ANO1: variants seen among roughly 807,000 people sequenced by gnomAD.
ANO1 encodes anoctamin-1.
Under a neutral mutation model 124.0 loss-of-function variants are expected in ANO1, and 59 were observed. That is an observed-to-expected ratio of 0.48 (90% CI 0.39 to 0.59). ANO1 has a LOEUF of 0.59. Ranked by LOEUF, ANO1 falls within the 20% of genes least tolerant of loss-of-function variation. The pLI is 0.00. For synonymous variants in ANO1, 529 were observed against 532.0 expected (o/e 0.99, Z 0.08); for missense variants, 1,059 against 1,328.0 (o/e 0.80, Z 3.15).
At position 70,188,376 on chromosome 11, in the gene ANO1, T is replaced by G; in HGVS notation, c.*372T>G. ...GAAACCCTCCTCTGAATCCTCCTAA[T>G]TCCTTAAGATAGATGCAAAATGGTA... is the stretch of plus-strand genomic sequence containing the variant. On this transcript the variant is annotated 3_prime_UTR_variant, in exon 26 of 26. Transcript: ENST00000355303. 1 of 203,722 alleles carries G rather than the reference T, an allele frequency of 4.9e-6. No homozygotes were observed. Among genetic ancestry groups the G allele is most frequent in the Non-Finnish European group, 9.9e-6 (1 of 101,070 alleles). 12.6% of individuals were successfully genotyped at this position (203,722 alleles called of 1,614,324 possible).
chr11:70,096,300 A>T (rs1212540812), intron 2 of ANO1, among the ~76,000 whole-genome samples: 1 of 152,186 alleles, frequency 6.6e-6, no homozygotes, highest in East Asian at 1.9e-4. Flanking sequence ...AGAGCTTCTC[A>T]GGGTGGGTTC....
chr11:70,104,045 CTG>C lies in ANO1; in HGVS notation c.590_591del (p.Val197AlafsTer14). 6.2e-7 allele frequency: 1 copy of C among 1,612,558 alleles called. No individual in the cohort carries two copies. The highest frequency in any genetic ancestry group is 8.5e-7 in the Non-Finnish European group (1 of 1,179,348). On this transcript the variant is annotated frameshift_variant, in exon 4 of 26. Transcript: ENST00000355303. LOFTEE classifies it high-confidence loss of function. ...CGTGGCCTCCTGAAAAAAATCAACTCTGTGCTCCAGAAAATCACAGATCCCAT... is the reference window on the plus strand; with the variant it reads ...CGTGGCCTCCTGAAAAAAATCAACTCTGCTCCAGAAAATCACAGATCCCAT...
chr11:70,004,150 C>T (rs1856439548), intron 1 of ANO1, among the ~76,000 whole-genome samples: 1 of 152,200 alleles, frequency 6.6e-6, no homozygotes, highest in African/African-American at 2.4e-5. Flanking sequence ...TCTCACCACC[C>T]TGCACCCCAC....
intron 1 of ANO1, among the ~76,000 whole-genome samples, chr11:69,993,886 C>T (rs2120319347): frequency 6.6e-6 from 1 of 152,328 alleles, no homozygotes; most frequent in Non-Finnish European, 1.5e-5. Context: ...CTTCCCTGCT[C>T]CTGGGGCCTG....
At chr11:70,138,347 G>GA (rs1172492820) in intron 11 of ANO1, among the ~76,000 whole-genome samples, 2,315 of 43,148 alleles carry the variant, frequency 0.054, 136 homozygotes, top group Non-Finnish European at 0.067. Flanking sequence ...TTCCATCTCA[G>GA]AAAAAAAAAA....
At chr11:70,012,721 A>G (rs1856622632) in intron 1 of ANO1, among the ~76,000 whole-genome samples, 1 of 151,158 alleles carries the variant, frequency 6.6e-6, no homozygotes, top group African/African-American at 2.4e-5. Context: ...CCATTATTCC[A>G]TCCATCCATC....
rs2048304379 is a variant in ANO1 at position 70,167,565 on chromosome 11, C to A, written c.2197+178C>A. On this transcript the variant is annotated intron_variant, in intron 21 of 25. Coordinates refer to ENST00000355303, the MANE Select transcript of ANO1 (RefSeq NM_018043.7). Reference sequence around the variant, plus strand: ...GACCCTGGGATCCTAGTGCTGCCACCCCCTTGGGTCGGTGAGCATGGCTGC... The same window carrying A: ...GACCCTGGGATCCTAGTGCTGCCACACCCTTGGGTCGGTGAGCATGGCTGC... Among the ~76,000 whole-genome samples the A allele has an allele frequency of 2.0e-5, 3 of 152,286 alleles. No homozygotes were observed. The South Asian group carries it at 6.2e-4, about 32-fold the overall frequency.
At chr11:70,102,376 G>A (rs1443364283) in intron 2 of ANO1, among the ~76,000 whole-genome samples, 1 of 152,166 alleles carries the variant, frequency 6.6e-6, no homozygotes, top group Non-Finnish European at 1.5e-5. Flanking sequence ...GCCAGCGCTC[G>A]GTGACTCTCT....
intron 1 of ANO1, among the ~76,000 whole-genome samples, chr11:70,053,456 GT>G (rs1857385890): frequency 6.6e-6 from 1 of 152,026 alleles, no homozygotes; most frequent in Admixed American, 6.5e-5. Context: ...ATACACAGGT[GT>G]TAAATTTTAC....
intron 24 of ANO1, among the ~76,000 whole-genome samples, chr11:70,184,896 A>C (rs1194689007): frequency 6.6e-6 from 1 of 152,050 alleles, no homozygotes; most frequent in East Asian, 1.9e-4. Context: ...ACAGGCGTGC[A>C]CTGCCAGGCC....
chr11:70,059,329 C>T (rs537627070), intron 1 of ANO1, among the ~76,000 whole-genome samples: 9 of 123,102 alleles, frequency 7.3e-5, no homozygotes, highest in Middle Eastern at 6.1e-3. Context: ...CTAGCCTGGG[C>T]GACAGAGCGA....
the ANO1 span, among the ~76,000 whole-genome samples, chr11:69,975,443 C>T: frequency 2.6e-5 from 4 of 152,210 alleles, no homozygotes; most frequent in South Asian, 2.1e-4. Flanking sequence ...GTCTTTGAAG[C>T]GGGGGATGAG....
intron 1 of ANO1, among the ~76,000 whole-genome samples, chr11:70,012,791 TCATC>T (rs1408888451): frequency 2.0e-5 from 3 of 152,090 alleles, no homozygotes; most frequent in African/African-American, 7.2e-5. Flanking sequence ...GCCCATCTAT[TCATC>T]CATCCATACA....
At chr11:70,095,410 G>GGAAGA (rs2044891845) in intron 2 of ANO1, among the ~76,000 whole-genome samples, 1 of 57,868 alleles carries the variant, frequency 1.7e-5, no homozygotes, top group South Asian at 6.2e-4. Context: ...AAGAAAGAAA[G>GGAAGA]AAAGAAAGAA....
At chr11:70,140,569 A>T (rs1475739594) in intron 11 of ANO1, among the ~76,000 whole-genome samples, 1 of 152,018 alleles carries the variant, frequency 6.6e-6, no homozygotes, top group African/African-American at 2.4e-5. Flanking sequence ...AAAGAAAGAA[A>T]GTAAAGGAGT....
At chr11:70,161,136 A>C in intron 16 of ANO1, 25 bp from the exon 17 acceptor site, 1 of 1,603,908 alleles carries the variant, frequency 6.2e-7, no homozygotes, top group Non-Finnish European at 8.5e-7. Flanking sequence ...GCCCCCAACC[A>C]AGAGTGCCCC....
intron 22 of ANO1, among the ~76,000 whole-genome samples, chr11:70,173,103 A>G (rs2048537212): frequency 6.6e-6 from 1 of 152,180 alleles, no homozygotes; most frequent in Non-Finnish European, 1.5e-5. Context: ...TGGTTCCAAG[A>G]TAACTTCAAC....
chr11:70,152,357 A>AAAATTTT, intron 12 of ANO1, 93 bp from the exon 13 acceptor site: 1 of 922,376 alleles, frequency 1.1e-6, no homozygotes, highest in Non-Finnish European at 1.6e-6. Flanking sequence ...AAAAAAAAAA[A>AAAATTTT]GTTGTCCTTA....
At chr11:70,025,815 GTGATGATGATGGTGGTGGTGATGA>G (rs1555003125) in intron 1 of ANO1, among the ~76,000 whole-genome samples, 27 of 127,430 alleles carry the variant, frequency 2.1e-4, no homozygotes, top group Non-Finnish European at 4.2e-4. Context: ...GATGATGATG[GTGATGATGATGGTGGTGGTGATGA>G]TGATGATGGT....
Sources: gnomAD v4.1 joint callset for allele counts (sites outside exome capture counted in the v4.1 genomes callset) on GRCh38, gnomAD v4.1.1 for gene constraint, MANE v1.5 for transcripts, NCBI Gene and HGNC (gene_info 2026-07-23, HGNC 2026-07-21) for gene names.